Variants in POC1B observed in about 807,000 individuals in gnomAD.
The protein encoded by POC1B is POC1 centriolar protein homolog B.
In POC1B, 44 loss-of-function variants were observed where a neutral mutation model predicts 60.6. The ratio of observed to expected loss-of-function variants is 0.73; its 90% CI spans 0.57 to 0.93. POC1B has a LOEUF of 0.93. POC1B is among the 40% of genes least tolerant of loss of function. The probability of loss-of-function intolerance (pLI) is 0.00; values close to 1 mark genes in which losing one functional copy is unlikely to be tolerated. For synonymous variants in POC1B, 180 were observed against 198.9 expected, an observed-to-expected ratio of 0.90 and a Z score of 0.80; for missense variants, 555 against 572.3, an observed-to-expected ratio of 0.97 and a Z score of 0.31.
At chr12:89,501,104 C>T (rs1023129307) in intron 2 of POC1B, 21 of 1,250,878 alleles carry the variant, frequency 1.7e-5, no homozygotes, top group South Asian at 2.4e-5. Context: ...ACCATATCCC[C>T]GGCTGAGAGC....
At chr12:89,414,294 A>G in the POC1B span, among the ~76,000 whole-genome samples, 1 of 152,226 alleles carries the variant, frequency 6.6e-6, no homozygotes, top group East Asian at 1.9e-4. Flanking sequence ...TATAATGAGA[A>G]GAATCTCAAA....
intron 9 of POC1B, among the ~76,000 whole-genome samples, chr12:89,462,760 T>G (rs1592603436): frequency 6.6e-6 from 1 of 152,206 alleles, no homozygotes; most frequent in African/African-American, 2.4e-5. Context: ...ACTTTAAGAT[T>G]TAACTAACAT....
chr12:89,435,246 T>G (rs573650354), intron 10 of POC1B, among the ~76,000 whole-genome samples: 1 of 150,332 alleles, frequency 6.7e-6, no homozygotes, highest in African/African-American at 2.4e-5. Flanking sequence ...AGTGGTGCCA[T>G]CTCGGCTCAC....
chr12:89,497,090 G>C, intron 3 of POC1B, 81 bp downstream of exon 3: 2 of 1,426,872 alleles, frequency 1.4e-6, no homozygotes, highest in South Asian at 2.6e-5. Flanking sequence ...GCAGGCAGCA[G>C]TGCATGAGCA....
At chr12:89,523,476 G>T (rs780678277) in intron 2 of POC1B, 2 of 1,613,278 alleles carry the variant, frequency 1.2e-6, no homozygotes, top group East Asian at 4.5e-5. Context: ...GGCCCACGTG[G>T]GAACACGGGT....
At chr12:89,491,280 T>A (rs751836796) in intron 4 of POC1B, among the ~76,000 whole-genome samples, 63 of 152,228 alleles carry the variant, frequency 4.1e-4, no homozygotes, top group Admixed American at 1.8e-3. Flanking sequence ...CCTTTGGACA[T>A]CTTTCTTACA....
intron 2 of POC1B, among the ~76,000 whole-genome samples, chr12:89,504,610 A>G (rs939817083): frequency 2.6e-5 from 4 of 152,290 alleles, no homozygotes; most frequent in Non-Finnish European, 4.4e-5. Flanking sequence ...ATAAAAAAAA[A>G]AAAGAAAGAA....
intron 9 of POC1B, chr12:89,460,915 CAT>C (rs1342302746): frequency 6.6e-6 from 1 of 152,032 alleles, no homozygotes; most frequent in East Asian, 1.9e-4. Context: ...AAAATTGAAA[CAT>C]TATGAATACA....
At chr12:89,470,626 C>G (rs1466848903) in intron 6 of POC1B, 132 bp from the exon 7 acceptor site, 1 of 597,668 alleles carries the variant, frequency 1.7e-6, no homozygotes, top group Non-Finnish European at 2.5e-6. Flanking sequence ...ATATGGCTCA[C>G]TAAAACGAGT....
intron 10 of POC1B, among the ~76,000 whole-genome samples, chr12:89,430,221 C>G (rs1334094625): frequency 6.6e-6 from 1 of 152,160 alleles, no homozygotes; most frequent in Non-Finnish European, 1.5e-5. Context: ...AGATACAGAT[C>G]TGACTGATGC....
intron 4 of POC1B, among the ~76,000 whole-genome samples, chr12:89,481,355 G>GAA (rs940286617): frequency 6.6e-5 from 10 of 152,146 alleles, no homozygotes; most frequent in Non-Finnish European, 1.5e-4. Context: ...CCAAATATAT[G>GAA]AAGCAACTGT....
At chr12:89,457,669 A>G (rs1290140899) in intron 10 of POC1B, among the ~76,000 whole-genome samples, 2 of 152,182 alleles carry the variant, frequency 1.3e-5, no homozygotes, top group African/African-American at 4.8e-5. Context: ...TTTAATGCGT[A>G]TATATTGGGT....
At chr12:89,451,176 C>T (rs1383336461) in intron 10 of POC1B, among the ~76,000 whole-genome samples, 1 of 152,104 alleles carries the variant, frequency 6.6e-6, no homozygotes, top group East Asian at 1.9e-4. Context: ...TCTATCTCCC[C>T]TTCAACTTAA....
intron 2 of POC1B, chr12:89,524,516 A>T (rs1357008836): frequency 1.2e-6 from 2 of 1,612,048 alleles, no homozygotes; most frequent in South Asian, 2.2e-5. Flanking sequence ...AGCAGCAGGC[A>T]GCTCTTGCCT....
chr12:89,522,205 A>G, intron 2 of POC1B: 1 of 398,676 alleles, frequency 2.5e-6, no homozygotes, highest in Non-Finnish European at 4.4e-6. Context: ...GTATGTCTGC[A>G]TGTTAAAAAG....
At chr12:89,486,090 G>A (rs1394815858) in intron 4 of POC1B, among the ~76,000 whole-genome samples, 2 of 152,110 alleles carry the variant, frequency 1.3e-5, no homozygotes, top group Admixed American at 1.3e-4. Context: ...TTTCTCCAGA[G>A]TACTTATCAC....
intron 4 of POC1B, among the ~76,000 whole-genome samples, chr12:89,491,626 A>AAAAAAAAAAAAAG (rs1189096124): frequency 1.4e-5 from 2 of 147,340 alleles, no homozygotes; most frequent in African/African-American, 2.5e-5. Flanking sequence ...CCGTGTCTCA[A>AAAAAAAAAAAAAG]AAAAAAAAAA....
At chr12:89,409,363 C>T in the POC1B span, among the ~76,000 whole-genome samples, 1 of 152,150 alleles carries the variant, frequency 6.6e-6, no homozygotes, top group African/African-American at 2.4e-5. Flanking sequence ...TTCCCAACAC[C>T]ATTTACTAAA....
At chr12:89,497,123 C>G in intron 3 of POC1B, 48 bp downstream of exon 3, 1 of 1,573,006 alleles carries the variant, frequency 6.4e-7, no homozygotes, top group Non-Finnish European at 8.7e-7. Flanking sequence ...AGCTTTCTTT[C>G]ACATTTCCAA....
Sources: allele counts gnomAD v4.1 joint callset (sites outside exome capture counted in the v4.1 genomes callset), GRCh38; gene constraint gnomAD v4.1.1; transcripts MANE v1.5; gene names NCBI Gene and HGNC (gene_info 2026-07-23, HGNC 2026-07-21).